ATP2B2: variants seen among roughly 807,000 people sequenced by gnomAD.
The protein encoded by ATP2B2 is plasma membrane calcium-transporting ATPase 2.
Under a neutral mutation model 120.0 loss-of-function variants are expected in ATP2B2, and 15 were observed. The observed-to-expected ratio is 0.12, with a 90% CI of 0.08 to 0.19. The LOEUF is 0.19. Ranked by LOEUF, ATP2B2 falls within the 10% of genes least tolerant of loss-of-function variation. The pLI, the probability that ATP2B2 is intolerant of heterozygous loss-of-function variation, is 1.00. For missense variants in ATP2B2, 1,045 were observed against 1,719.8 expected (o/e 0.61, Z 6.94); for synonymous variants, 694 against 700.3 (o/e 0.99, Z 0.14).
rs948845739 is a variant in ATP2B2 at position 10,325,230 on chromosome 3, G to A, written c.*3584C>T. ...TGGGGGTGGGAATGGGACAGGGGGT[G>A]GAGGACTGGGCACAATTTAAAGTTT... is the stretch of plus-strand genomic sequence containing the variant. On this transcript the variant is annotated 3_prime_UTR_variant, in exon 23 of 23. Coordinates refer to ENST00000360273, the MANE Select transcript of ATP2B2 (RefSeq NM_001001331.4). The A allele has an allele frequency of 2.0e-5, 3 of 152,210 alleles. No homozygotes were observed. Among genetic ancestry groups the A allele is most frequent in the Non-Finnish European group, 4.4e-5 (3 of 68,058 alleles). The allele number at this position is 152,210 out of a possible 1,614,324, so 9.4% of individuals were successfully genotyped here.
At chr3:10,603,197 T>C (rs1181330521) in intron 2 of ATP2B2, among the ~76,000 whole-genome samples, 1 of 152,208 alleles carries the variant, frequency 6.6e-6, no homozygotes, top group Non-Finnish European at 1.5e-5. Context: ...CTTCATTTCC[T>C]TGGTAAGAAA....
At chr3:10,567,268 T>C (rs1380845963) in intron 2 of ATP2B2, among the ~76,000 whole-genome samples, 1 of 152,244 alleles carries the variant, frequency 6.6e-6, no homozygotes, top group East Asian at 1.9e-4. Flanking sequence ...AAAGTGGGTT[T>C]GCAACCACAA....
At chr3:10,434,362 T>C (rs2125113505) in intron 2 of ATP2B2, among the ~76,000 whole-genome samples, 1 of 152,316 alleles carries the variant, frequency 6.6e-6, no homozygotes, top group Non-Finnish European at 1.5e-5. Context: ...AGGGTATGGC[T>C]GGATCATACC....
At chr3:10,650,500 T>C (rs2070428525) in intron 1 of ATP2B2, among the ~76,000 whole-genome samples, 1 of 152,216 alleles carries the variant, frequency 6.6e-6, no homozygotes. Flanking sequence ...GACAATGTGA[T>C]AGAAATGAAA....
At chr3:10,680,022 G>A (rs760735424) in intron 1 of ATP2B2, among the ~76,000 whole-genome samples, 22 of 152,184 alleles carry the variant, frequency 1.4e-4, no homozygotes, top group Non-Finnish European at 2.4e-4. Context: ...CATTGCTGGA[G>A]CCCCAGCACC....
At position 10,325,675 on chromosome 3, in the gene ATP2B2, C is replaced by T. The variant is rs1273212821; in HGVS notation, c.*3139G>A. Reference sequence around the variant, plus strand: ...GTTGGCGGGAGCAATGGAGGCTGCTCCTGAGTTAAAGAAAGCTCCGCCTGA... The same window carrying T: ...GTTGGCGGGAGCAATGGAGGCTGCTTCTGAGTTAAAGAAAGCTCCGCCTGA... On this transcript the variant is annotated 3_prime_UTR_variant, in exon 23 of 23. Transcript: ENST00000360273. 1 of 152,202 alleles carries T rather than the reference C, an allele frequency of 6.6e-6. No individual in the cohort carries two copies. The highest frequency in any genetic ancestry group is 1.5e-5 in the Non-Finnish European group (1 of 68,034). 9.4% of individuals were successfully genotyped at this position (152,202 alleles called of 1,614,324 possible).
chr3:10,588,855 C>T (rs2068576887), intron 2 of ATP2B2, among the ~76,000 whole-genome samples: 1 of 152,072 alleles, frequency 6.6e-6, no homozygotes, highest in Non-Finnish European at 1.5e-5. Flanking sequence ...GAAATAGATC[C>T]AACTGGAAAT....
intron 1 of ATP2B2, among the ~76,000 whole-genome samples, chr3:10,497,452 G>A (rs1235870529): frequency 6.6e-6 from 1 of 152,198 alleles, no homozygotes; most frequent in Non-Finnish European, 1.5e-5. Flanking sequence ...TGAGCCTAGT[G>A]TTTATTTTAG....
chr3:10,454,555 A>G (rs2064184970), intron 1 of ATP2B2, among the ~76,000 whole-genome samples: 1 of 152,108 alleles, frequency 6.6e-6, no homozygotes, highest in Admixed American at 6.5e-5. Flanking sequence ...GCTTCATCTC[A>G]TGGGTGCAAA....
At chr3:10,552,167 G>A (rs181227177) in intron 2 of ATP2B2, among the ~76,000 whole-genome samples, 85 of 152,330 alleles carry the variant, frequency 5.6e-4, no homozygotes, top group African/African-American at 2.0e-3. Context: ...CCTCGGTGCC[G>A]GTTGGTGACT....
At chr3:10,337,503 TGG>T (rs34396211) in intron 22 of ATP2B2, among the ~76,000 whole-genome samples, 1 of 151,888 alleles carries the variant, frequency 6.6e-6, no homozygotes, top group Non-Finnish European at 1.5e-5. Flanking sequence ...GGTATGTGTG[TGG>T]GGGGGTCGGG....
At chr3:10,675,747 G>A (rs964927545) in intron 1 of ATP2B2, among the ~76,000 whole-genome samples, 7 of 152,202 alleles carry the variant, frequency 4.6e-5, no homozygotes, top group Non-Finnish European at 1.0e-4. Context: ...TGATCGGCCT[G>A]TCTTCCTCCT....
chr3:10,584,907 A>G (rs529089609), intron 2 of ATP2B2, among the ~76,000 whole-genome samples: 1 of 152,278 alleles, frequency 6.6e-6, no homozygotes, highest in African/African-American at 2.4e-5. Context: ...AGTTGTTGAG[A>G]CAAAATCCAG....
intron 1 of ATP2B2, among the ~76,000 whole-genome samples, chr3:10,456,871 A>T (rs2064280992): frequency 6.6e-6 from 1 of 152,198 alleles, no homozygotes; most frequent in South Asian, 2.1e-4. Flanking sequence ...TGCCCCAGTG[A>T]TGGGGAACCC....
chr3:10,628,420 A>G (rs1473057937), intron 1 of ATP2B2, among the ~76,000 whole-genome samples: 1 of 150,792 alleles, frequency 6.6e-6, no homozygotes, highest in Non-Finnish European at 1.5e-5. Flanking sequence ...AGCTCTGGCG[A>G]ATGATTAACG....
chr3:10,590,712 C>T (rs2068624007), intron 2 of ATP2B2, among the ~76,000 whole-genome samples: 2 of 152,244 alleles, frequency 1.3e-5, no homozygotes, highest in South Asian at 4.1e-4. Context: ...AGGCACTCTC[C>T]CTGCCTAATA....
intron 1 of ATP2B2, among the ~76,000 whole-genome samples, chr3:10,631,589 A>G (rs1384980732): frequency 6.6e-6 from 1 of 152,152 alleles, no homozygotes; most frequent in Non-Finnish European, 1.5e-5. Context: ...GATCTTTGCA[A>G]GGGGGCTACT....
chr3:10,586,875 C>T (rs753435839), intron 2 of ATP2B2, among the ~76,000 whole-genome samples: 1 of 152,186 alleles, frequency 6.6e-6, no homozygotes, highest in South Asian at 2.1e-4. Flanking sequence ...CCCAGCTCTG[C>T]TCCGGTCCCT....
At chr3:10,443,346 C>T (rs752937925) in intron 2 of ATP2B2, among the ~76,000 whole-genome samples, 3 of 152,122 alleles carry the variant, frequency 2.0e-5, no homozygotes, top group Non-Finnish European at 4.4e-5. Flanking sequence ...TCTTGGTGGA[C>T]TGACCCGTGC....
Sources: allele counts gnomAD v4.1 joint callset (sites outside exome capture counted in the v4.1 genomes callset), GRCh38; gene constraint gnomAD v4.1.1; transcripts MANE v1.5; gene names NCBI Gene and HGNC (gene_info 2026-07-23, HGNC 2026-07-21).